The following HMOX1 variants were observed in gnomAD, a reference collection of about 807,000 sequenced individuals.
HMOX1 encodes heme oxygenase 1.
HMOX1 carries 22 observed loss-of-function variants against 27.8 expected under a neutral mutation model. The observed-to-expected ratio is 0.79, with a 90% CI of 0.57 to 1.13. The LOEUF is 1.13. HMOX1 is among the 50% of genes most tolerant of loss of function. The probability of loss-of-function intolerance (pLI) is 0.00; values close to 1 mark genes in which losing one functional copy is unlikely to be tolerated. For synonymous variants in HMOX1, 153 were observed against 151.6 expected, an observed-to-expected ratio of 1.01 and a Z score of -0.07; for missense variants, 379 against 377.7, an observed-to-expected ratio of 1.00 and a Z score of -0.03.
At chr22:35,384,710 G>A (rs1931465527) in intron 2 of HMOX1, among the ~76,000 whole-genome samples, 2 of 150,622 alleles carry the variant, frequency 1.3e-5, no homozygotes, top group South Asian at 4.3e-4. Context: ...CTAAGTGCCA[G>A]GCTGCCCTCT....
Position 35,387,102 on chromosome 22 carries a change from T to C in HMOX1, c.562T>C (p.Ser188Pro), listed in dbSNP as rs1465332069. The stretch of plus-strand genomic sequence containing the variant: ...GCAGCTCTACCGCTCCCGCATGAAC[T>C]CCCTGGAGATGACTCCCGCAGTCAG... ...FKQLYRSRMN[S>P]LEMTPAVRQR... Residue 188 changes from serine (S) to proline (P), a missense_variant, in exon 3 of 5, where the codon TCC becomes CCC. Ser to Pro is a moderately conservative substitution (Grantham distance 74). Coordinates refer to ENST00000216117, the MANE Select transcript of HMOX1 (RefSeq NM_002133.3). 9.3e-6 allele frequency: 15 copies of C among 1,613,484 alleles called. No homozygotes were observed. Among genetic ancestry groups the C allele is most frequent in the Non-Finnish European group, 1.2e-5 (14 of 1,180,040 alleles).
intron 1 of HMOX1, chr22:35,381,431 A>G: frequency 1.7e-6 from 1 of 600,336 alleles, no homozygotes; most frequent in Non-Finnish European, 3.0e-6. Flanking sequence ...CCAAGATGGG[A>G]GTGTCCCTAG....
chr22:35,381,168 G>C lies in HMOX1; in HGVS notation c.-6G>C, dbSNP rs2145763024. On this transcript the variant is annotated 5_prime_UTR_variant, in exon 1 of 5. Transcript: ENST00000216117. ...AGCCAGCACGAACGAGCCCAGCACC[G>C]GCCGGATGGAGCGTCCGCAACCCGA... 1 of 1,542,864 alleles carries C rather than the reference G, an allele frequency of 6.5e-7. No homozygotes were observed.
intron 4 of HMOX1, among the ~76,000 whole-genome samples, chr22:35,390,472 G>A (rs1474718766): frequency 1.3e-5 from 2 of 151,838 alleles, no homozygotes; most frequent in African/African-American, 2.4e-5. Flanking sequence ...CAGGTGATCC[G>A]CCCACCTTGG....
intron 4 of HMOX1, among the ~76,000 whole-genome samples, chr22:35,392,717 CTT>C (rs753975375): frequency 3.3e-4 from 45 of 136,172 alleles, no homozygotes; most frequent in Non-Finnish European, 2.6e-4. Flanking sequence ...TGTTTTAAAT[CTT>C]TTTTTTTTTT....
intron 3 of HMOX1, among the ~76,000 whole-genome samples, chr22:35,389,375 C>T (rs202143407): frequency 1.8e-4 from 11 of 62,080 alleles, no homozygotes; most frequent in African/African-American, 7.0e-4. Flanking sequence ...TTCCTTCCTT[C>T]CTTCCTTCCT....
rs868498697 is a variant in HMOX1 at position 35,387,185 on chromosome 22, C to T, written c.636+9C>T. On this transcript the variant is annotated intron_variant, in intron 3 of 4. Coordinates refer to ENST00000216117, the MANE Select transcript of HMOX1 (RefSeq NM_002133.3). ...TCCTGCTCAACATCCAGGTGAGGGT[C>T]GGGCAGCCTGGGGCAGCCTCTGCCT... The T allele has an allele frequency of 1.4e-5, 23 of 1,613,078 alleles. No homozygotes were observed. Among genetic ancestry groups the T allele is most frequent in the East Asian group, 2.2e-5 (1 of 44,898 alleles).
In HMOX1 at chr22:35,386,744, C is replaced by G. The variant is rs200856037; in HGVS notation, c.204C>G (p.Asn68Lys). 56 of 1,614,218 alleles carry G rather than the reference C, an allele frequency of 3.5e-5. No individual in the cohort carries two copies. The East Asian group carries it at 8.0e-4, about 23-fold the overall frequency. The change falls in exon 3 of 5, where the codon AAC becomes AAG. Residue 68 changes from asparagine (N) to lysine (K), a missense_variant. Asn to Lys is a moderately conservative substitution (Grantham distance 94). Coordinates refer to ENST00000216117, the MANE Select transcript of HMOX1 (RefSeq NM_002133.3). The part of the protein sequence containing the change: ...YVALEEEIER[N>K]KESPVFAPVY... ...CCCTGGAGGAGGAGATTGAGCGCAACAAGGAGAGCCCAGTCTTCGCCCCTG... is the reference window on the plus strand; with the variant it reads ...CCCTGGAGGAGGAGATTGAGCGCAAGAAGGAGAGCCCAGTCTTCGCCCCTG...
chr22:35,390,476 A>G (rs1931687815), intron 4 of HMOX1, among the ~76,000 whole-genome samples: 1 of 151,872 alleles, frequency 6.6e-6, no homozygotes, highest in African/African-American at 2.4e-5. Context: ...TGATCCGCCC[A>G]CCTTGGCCTC....
rs143057716 is a variant in HMOX1, at chr22:35,393,537, G to A, written c.806G>A (p.Arg269Gln). 2.4e-5 allele frequency: 38 copies of A among 1,614,070 alleles called. No homozygotes were observed. Among genetic ancestry groups the A allele is most frequent in the African/African-American group, 1.7e-4 (13 of 74,928 alleles). ...LNTRSQAPLL[R>Q]WVLTLSFLVA... ...ACCCGCTCCCAGGCTCCGCTTCTCC[G>A]ATGGGTCCTTACACTCAGCTTTCTG... The change falls in exon 5 of 5, where the codon CGA becomes CAA. Residue 269 changes from arginine (R) to glutamine (Q), a missense_variant. Coordinates refer to ENST00000216117, the MANE Select transcript of HMOX1 (RefSeq NM_002133.3).
rs2145773760 is a variant in HMOX1 at position 35,394,036 on chromosome 22, A to G, written c.*438A>G. The G allele has an allele frequency of 3.4e-6, 1 of 294,214 alleles. No individual in the cohort carries two copies. The highest frequency in any genetic ancestry group is 3.4e-5 in the South Asian group (1 of 29,818). 18.2% of individuals were successfully genotyped at this position (294,214 alleles called of 1,614,324 possible). Reference sequence around the variant, plus strand: ...TTTTTGTCTTATTTTTGTTGGAGCCACTCTGTTCCTGGCTCAGCCTCAAAT... The same window carrying G: ...TTTTTGTCTTATTTTTGTTGGAGCCGCTCTGTTCCTGGCTCAGCCTCAAAT... On this transcript the variant is annotated 3_prime_UTR_variant, in exon 5 of 5. Transcript: ENST00000216117.
intron 1 of HMOX1, among the ~76,000 whole-genome samples, chr22:35,381,759 A>G (rs778085761): frequency 2.0e-5 from 3 of 151,428 alleles, no homozygotes; most frequent in Non-Finnish European, 4.4e-5. Context: ...CCTTCTTTCA[A>G]TAATTTGTTA....
intron 2 of HMOX1, among the ~76,000 whole-genome samples, chr22:35,383,904 T>C (rs1931445503): frequency 6.6e-6 from 1 of 151,482 alleles, no homozygotes; most frequent in African/African-American, 2.4e-5. Context: ...GGAAAGCACT[T>C]GATGAAGAAC....
Position 35,381,230 on chromosome 22 carries a change from C to G in HMOX1, c.23+34C>G, listed in dbSNP as rs1395276466. On this transcript the variant is annotated intron_variant, in intron 1 of 4. Transcript: ENST00000216117. Reference sequence around the variant, plus strand: ...GGGGCGCGGGACGCGGGACGGGCGCCTTTCTCTCCCAACCCTGCTTGCGTC... The same window carrying G: ...GGGGCGCGGGACGCGGGACGGGCGCGTTTCTCTCCCAACCCTGCTTGCGTC... The G allele has an allele frequency of 3.9e-6, 6 of 1,544,170 alleles. No individual in the cohort carries two copies. The African/African-American group carries it at 6.8e-5, about 17-fold the overall frequency.
chr22:35,391,436 C>T (rs1320495534), intron 4 of HMOX1, among the ~76,000 whole-genome samples: 15 of 150,658 alleles, frequency 1.0e-4, no homozygotes, highest in East Asian at 2.0e-4. Flanking sequence ...TACAGGTGCC[C>T]GCCACCATGC....
At chr22:35,389,808 C>A in intron 3 of HMOX1, 56 bp from the exon 4 acceptor site, 1 of 1,196,004 alleles carries the variant, frequency 8.4e-7, no homozygotes, top group Non-Finnish European at 1.2e-6. Flanking sequence ...CTACCTTCAG[C>A]TGGGACCTGG....
At chr22:35,391,169 G>A (rs1931708000) in intron 4 of HMOX1, among the ~76,000 whole-genome samples, 2 of 152,154 alleles carry the variant, frequency 1.3e-5, no homozygotes, top group African/African-American at 4.8e-5. Flanking sequence ...GTAGGGAGAC[G>A]TCACCCTAAT....
chr22:35,389,320 TTC>T (rs1491073860), intron 3 of HMOX1, among the ~76,000 whole-genome samples: 6 of 92,278 alleles, frequency 6.5e-5, no homozygotes, highest in Admixed American at 9.2e-5. Flanking sequence ...TCTTTCTTTC[TTC>T]TTTCTTTCTT....
intron 4 of HMOX1, among the ~76,000 whole-genome samples, chr22:35,392,818 AG>A (rs1555901884): frequency 6.6e-6 from 1 of 151,728 alleles, no homozygotes; most frequent in Non-Finnish European, 1.5e-5. Flanking sequence ...CCTGGGTTCA[AG>A]CAATTCTCTG....
Sources: allele counts gnomAD v4.1 joint callset (sites outside exome capture counted in the v4.1 genomes callset), GRCh38; gene constraint gnomAD v4.1.1; transcripts MANE v1.5; gene names NCBI Gene and HGNC (gene_info 2026-07-23, HGNC 2026-07-21).